The following MEMO1 variants were observed in gnomAD, a reference collection of about 807,000 sequenced individuals.
MEMO1 encodes protein MEMO1.
Under a neutral mutation model 45.2 loss-of-function variants are expected in MEMO1, and 6 were observed. The observed-to-expected ratio is 0.13, with a 90% CI of 0.07 to 0.26. The LOEUF is 0.26. Ranked by LOEUF, MEMO1 falls within the 10% of genes least tolerant of loss-of-function variation. The pLI is 1.00. For missense variants in MEMO1, 184 were observed against 370.5 expected, an observed-to-expected ratio of 0.50 and a Z score of 4.13; for synonymous variants, 78 against 124.3, an observed-to-expected ratio of 0.63 and a Z score of 2.48.
At position 31,883,420 on chromosome 2, in the gene MEMO1, T is replaced by C; in HGVS notation, c.623A>G (p.Glu208Gly). The change falls in exon 8 of 10, where the codon GAG (glutamate) becomes GGG (glycine). Residue 208 changes from glutamate (E) to glycine (G), a missense_variant. Physicochemically the swap from Glu to Gly is moderately conservative, Grantham distance 98 (BLOSUM62 -2). Around this residue, in one of 3 missense-constraint regions of MEMO1, gnomAD observed 97 missense variants for 209.3 expected, o/e 0.46. Coordinates refer to ENST00000404530, the MANE Select transcript of MEMO1 (RefSeq NM_001301833.4). ...RYSYYDESQG[E>G]IYRSIEHLDK... Reference sequence around the variant, plus strand: ...TAGATGTTCAATGGATCTATAAATCTCCCCCTGGGATTCATCATAGTAACT... The same window carrying C: ...TAGATGTTCAATGGATCTATAAATCCCCCCCTGGGATTCATCATAGTAACT... The C allele has an allele frequency of 6.3e-7, 1 of 1,588,672 alleles. No homozygotes were observed. The highest frequency in any genetic ancestry group is 1.2e-5 in the South Asian group (1 of 84,718).
chr2:31,889,843 A>C (rs1676709220), intron 7 of MEMO1, among the ~76,000 whole-genome samples: 1 of 152,180 alleles, frequency 6.6e-6, no homozygotes, highest in Non-Finnish European at 1.5e-5. Flanking sequence ...TCTACTACTT[A>C]AACACCAAAC....
rs534020838 is a variant in MEMO1, at chr2:31,984,144, C to T, written c.61+26043G>A. 5.3e-5 allele frequency among the ~76,000 whole-genome samples: 8 copies of T among 152,322 alleles called. No individual in the cohort carries two copies. The East Asian group carries it at 5.8e-4, about 11-fold the overall frequency. On this transcript the variant is annotated intron_variant, in intron 2 of 9. Transcript: ENST00000404530. ...ACTTCAGCGACTCACATCCAAAGAA[C>T]AGAATACGGCAAAAGGAAGATAGCA... is the stretch of plus-strand genomic sequence containing the variant.
intron 2 of MEMO1, among the ~76,000 whole-genome samples, chr2:32,002,899 T>C (rs1271612588): frequency 1.3e-5 from 2 of 152,168 alleles, no homozygotes; most frequent in African/African-American, 4.8e-5. Context: ...TATCAACAGT[T>C]TGCCTGTTAA....
At chr2:31,923,144 T>C (rs1454630824) in intron 4 of MEMO1, among the ~76,000 whole-genome samples, 3 of 152,312 alleles carry the variant, frequency 2.0e-5, no homozygotes, top group East Asian at 1.9e-4. Flanking sequence ...CTGTTAATTT[T>C]TGACTTTTCA....
chr2:31,970,190 T>C (rs1036595531), intron 2 of MEMO1, among the ~76,000 whole-genome samples: 2 of 151,662 alleles, frequency 1.3e-5, no homozygotes, highest in Non-Finnish European at 2.9e-5. Context: ...CAGGCTGGTC[T>C]GAACTCCTGA....
chr2:31,981,222 G>A (rs1218231309), intron 2 of MEMO1, among the ~76,000 whole-genome samples: 3 of 152,196 alleles, frequency 2.0e-5, no homozygotes, highest in Non-Finnish European at 4.4e-5. Flanking sequence ...GCCTCTAGTT[G>A]AGAACCACAG....
chr2:31,977,968 A>G (rs1478773667), intron 2 of MEMO1, among the ~76,000 whole-genome samples: 1 of 152,214 alleles, frequency 6.6e-6, no homozygotes, highest in Admixed American at 6.5e-5. Flanking sequence ...ATGCTTTATT[A>G]AAACAAACAA....
intron 2 of MEMO1, among the ~76,000 whole-genome samples, chr2:31,990,334 A>G (rs1191640649): frequency 2.0e-5 from 3 of 152,152 alleles, no homozygotes; most frequent in African/African-American, 7.2e-5. Context: ...AAAGATAGTT[A>G]TTTTCATTAA....
At chr2:31,933,383 A>ATATATATATATATATATATATATG (rs1185585265) in intron 3 of MEMO1, among the ~76,000 whole-genome samples, 1 of 112,660 alleles carries the variant, frequency 8.9e-6, no homozygotes, top group African/African-American at 3.2e-5. Flanking sequence ...ATATATATAT[A>ATATATATATATATATATATATATG]GAAAGGGGAA....
chr2:31,880,584 T>C (rs983082857), intron 8 of MEMO1, among the ~76,000 whole-genome samples: 10 of 152,162 alleles, frequency 6.6e-5, no homozygotes, highest in Admixed American at 3.3e-4. Context: ...GCTTAACACA[T>C]TGGTAGAGCT....
intron 8 of MEMO1, among the ~76,000 whole-genome samples, chr2:31,876,860 C>T (rs564781099): frequency 2.6e-5 from 4 of 152,274 alleles, no homozygotes; most frequent in African/African-American, 7.2e-5. Context: ...TGAATATATA[C>T]ATTTCTGTCC....
chr2:31,944,843 T>C (rs1666012099), intron 2 of MEMO1, among the ~76,000 whole-genome samples: 1 of 152,152 alleles, frequency 6.6e-6, no homozygotes, highest in Admixed American at 6.6e-5. Context: ...TTAAAACTTT[T>C]AATCATTAAA....
chr2:31,892,038 C>T lies in MEMO1; in HGVS notation c.534G>A (p.Ala178=). The change falls in exon 7 of 10, where the codon GCG becomes GCA. Residue 178 remains alanine (A), a synonymous_variant. Coordinates refer to ENST00000404530, the MANE Select transcript of MEMO1 (RefSeq NM_001301833.4). ...EFGKLFSKYL[A]DPSNLFVVSS... ...AAACCACAAAGAGATTACTAGGATC[C>T]GCTAGATATTTACTGAAGAGTTTTC... The T allele has an allele frequency of 1.9e-6, 3 of 1,612,170 alleles. No homozygotes were observed. Among genetic ancestry groups the T allele is most frequent in the Non-Finnish European group, 2.5e-6 (3 of 1,179,456 alleles).
intron 4 of MEMO1, among the ~76,000 whole-genome samples, chr2:31,928,503 C>T (rs952717279): frequency 3.4e-5 from 5 of 148,124 alleles, no homozygotes; most frequent in African/African-American, 7.5e-5. Flanking sequence ...GCCAAGATTG[C>T]GCCACTACAC....
intron 6 of MEMO1, among the ~76,000 whole-genome samples, chr2:31,894,628 C>T (rs957429171): frequency 1.4e-4 from 21 of 152,238 alleles, no homozygotes; most frequent in African/African-American, 4.3e-4. Flanking sequence ...CCACACAAAA[C>T]GCAGGCTGAG....
chr2:31,942,956 C>T, intron 3 of MEMO1, among the ~76,000 whole-genome samples: 1 of 152,148 alleles, frequency 6.6e-6, no homozygotes. Flanking sequence ...TACTCATTTA[C>T]TAATAATAAA....
chr2:31,903,049 A>G (rs945137588), intron 6 of MEMO1, among the ~76,000 whole-genome samples: 1 of 152,154 alleles, frequency 6.6e-6, no homozygotes, highest in Non-Finnish European at 1.5e-5. Flanking sequence ...TAAAATTTTA[A>G]ATTTGTTTAA....
chr2:31,885,811 G>A (rs892210520), intron 7 of MEMO1, among the ~76,000 whole-genome samples: 9 of 152,158 alleles, frequency 5.9e-5, no homozygotes, highest in East Asian at 1.9e-4. Context: ...AGAGAAAAAC[G>A]CATATACTAC....
chr2:31,884,258 T>G (rs1350354685), intron 7 of MEMO1, among the ~76,000 whole-genome samples: 1 of 152,184 alleles, frequency 6.6e-6, no homozygotes, highest in African/African-American at 2.4e-5. Context: ...AAAAATTTTC[T>G]TAACTAATTA....
Sources: gnomAD v4.1 joint callset for allele counts (sites outside exome capture counted in the v4.1 genomes callset) on GRCh38, gnomAD v4.1.1 for gene constraint, gnomAD v4.1.1 regional missense constraint, MANE v1.5 for transcripts, NCBI Gene and HGNC (gene_info 2026-07-23, HGNC 2026-07-21) for gene names.